Variants in GABBR2 observed in about 807,000 individuals in gnomAD.
GABBR2 encodes G-protein coupled receptor 51.
In GABBR2, 23 loss-of-function variants were observed where a neutral mutation model predicts 105.6. That is an observed-to-expected ratio of 0.22 (90% CI 0.16 to 0.31). The LOEUF (loss-of-function observed/expected upper bound fraction) is 0.31. Among genes scored for constraint, GABBR2 ranks in the 10% least tolerant of loss-of-function variants. The pLI, the probability that GABBR2 is intolerant of heterozygous loss-of-function variation, is 1.00. For missense variants in GABBR2, 734 were observed against 1,245.5 expected (o/e 0.59, Z 6.18); for synonymous variants, 478 against 499.7 (o/e 0.96, Z 0.58).
At chr9:98,660,227 C>A (rs1409034741) in intron 1 of GABBR2, among the ~76,000 whole-genome samples, 1 of 152,074 alleles carries the variant, frequency 6.6e-6, no homozygotes. Flanking sequence ...GGATAAAGTC[C>A]TAGAAATGAA....
At chr9:98,623,123 T>C (rs1344382785) in intron 1 of GABBR2, among the ~76,000 whole-genome samples, 1 of 152,226 alleles carries the variant, frequency 6.6e-6, no homozygotes, top group Non-Finnish European at 1.5e-5. Flanking sequence ...TAAAAATTTA[T>C]TTTTAAAATA....
intron 2 of GABBR2, among the ~76,000 whole-genome samples, chr9:98,542,637 A>G (rs2131741268): frequency 1.3e-5 from 2 of 152,322 alleles, no homozygotes; most frequent in African/African-American, 4.8e-5. Flanking sequence ...GATAAAGAAT[A>G]TGAGTCTTTA....
intron 7 of GABBR2, among the ~76,000 whole-genome samples, chr9:98,426,146 G>T (rs186832861): frequency 6.6e-6 from 1 of 152,326 alleles, no homozygotes. Context: ...TTTGTCAGCT[G>T]CAGGGGCCTC....
intron 1 of GABBR2, among the ~76,000 whole-genome samples, chr9:98,651,346 G>A (rs746614529): frequency 7.9e-5 from 12 of 152,106 alleles, no homozygotes; most frequent in African/African-American, 2.9e-4. Flanking sequence ...GTTTCACCAT[G>A]TTGGCCAGGC....
At chr9:98,589,983 C>A (rs1214786627) in intron 1 of GABBR2, among the ~76,000 whole-genome samples, 1 of 152,174 alleles carries the variant, frequency 6.6e-6, no homozygotes, top group Non-Finnish European at 1.5e-5. Context: ...CCCACCTTGG[C>A]CTTCCAAAGT....
At chr9:98,703,550 C>T (rs1035167058) in intron 1 of GABBR2, among the ~76,000 whole-genome samples, 1 of 152,074 alleles carries the variant, frequency 6.6e-6, no homozygotes, top group African/African-American at 2.4e-5. Flanking sequence ...TAGAGTGCAG[C>T]AGCACAATCA....
intron 1 of GABBR2, among the ~76,000 whole-genome samples, chr9:98,655,817 C>T (rs1439691764): frequency 2.0e-5 from 3 of 150,982 alleles, no homozygotes; most frequent in Non-Finnish European, 4.5e-5. Context: ...AGGGGAACAT[C>T]ACACACTGGG....
chr9:98,508,380 C>G (rs559383062), intron 3 of GABBR2, among the ~76,000 whole-genome samples: 1 of 152,178 alleles, frequency 6.6e-6, no homozygotes, highest in Non-Finnish European at 1.5e-5. Flanking sequence ...ACTGAAGTAC[C>G]GGGTTCATCT....
intron 1 of GABBR2, among the ~76,000 whole-genome samples, chr9:98,585,784 A>C (rs1829064728): frequency 3.9e-5 from 1 of 25,676 alleles, no homozygotes; most frequent in East Asian, 3.6e-4. Flanking sequence ...AAAATGCTCC[A>C]AAATCCAAAA....
intron 11 of GABBR2, among the ~76,000 whole-genome samples, chr9:98,382,683 T>G (rs1236363702): frequency 1.3e-5 from 2 of 152,154 alleles, no homozygotes; most frequent in African/African-American, 4.8e-5. Context: ...TAAGCACAGA[T>G]GGAAGAGAGA....
chr9:98,297,562 G>A (rs969068044), intron 17 of GABBR2, among the ~76,000 whole-genome samples: 2 of 151,870 alleles, frequency 1.3e-5, no homozygotes, highest in Non-Finnish European at 2.9e-5. Flanking sequence ...GCAGTGAGCC[G>A]AGATCGTGCC....
intron 4 of GABBR2, among the ~76,000 whole-genome samples, chr9:98,494,906 C>G (rs111229692): frequency 1.1e-4 from 16 of 152,372 alleles, no homozygotes; most frequent in African/African-American, 3.6e-4. Flanking sequence ...TGCTGGGCCT[C>G]TGGAGCTCAG....
At chr9:98,489,322 G>GGA (rs972067758) in intron 4 of GABBR2, among the ~76,000 whole-genome samples, 7 of 152,150 alleles carry the variant, frequency 4.6e-5, no homozygotes, top group African/African-American at 1.4e-4. Flanking sequence ...GTGATAAGAT[G>GGA]GAGAGAGAGA....
intron 6 of GABBR2, among the ~76,000 whole-genome samples, chr9:98,471,161 T>C (rs1335193485): frequency 1.3e-5 from 2 of 152,224 alleles, no homozygotes; most frequent in African/African-American, 2.4e-5. Context: ...TCAAATTTCC[T>C]TGTGTAACTT....
intron 7 of GABBR2, among the ~76,000 whole-genome samples, chr9:98,414,988 A>C (rs979999870): frequency 2.0e-5 from 3 of 152,188 alleles, no homozygotes; most frequent in African/African-American, 7.2e-5. Flanking sequence ...GAGATAAATA[A>C]AATTTTACTG....
intron 2 of GABBR2, among the ~76,000 whole-genome samples, chr9:98,545,609 T>C (rs1487018694): frequency 6.6e-6 from 1 of 152,200 alleles, no homozygotes; most frequent in African/African-American, 2.4e-5. Flanking sequence ...ATCAGTATTA[T>C]TTAAAAATTT....
chr9:98,587,816 C>G (rs1829098206), intron 1 of GABBR2, among the ~76,000 whole-genome samples: 1 of 152,170 alleles, frequency 6.6e-6, no homozygotes, highest in Non-Finnish European at 1.5e-5. Flanking sequence ...GTAGCAAAGG[C>G]AAAATTGTTT....
intron 7 of GABBR2, among the ~76,000 whole-genome samples, chr9:98,444,669 C>T (rs1826090701): frequency 7.2e-6 from 1 of 138,190 alleles, no homozygotes; most frequent in Non-Finnish European, 1.7e-5. Context: ...AATTACCTCT[C>T]GAAAATGTTT....
chr9:98,538,920 T>C (rs1828233755), intron 3 of GABBR2, among the ~76,000 whole-genome samples: 1 of 131,160 alleles, frequency 7.6e-6, no homozygotes, highest in African/African-American at 3.7e-5. Flanking sequence ...GGCTGAGAGA[T>C]TTAAATCAAG....
Sources: gnomAD v4.1 joint callset for allele counts (sites outside exome capture counted in the v4.1 genomes callset) on GRCh38, gnomAD v4.1.1 for gene constraint, MANE v1.5 for transcripts, NCBI Gene and HGNC (gene_info 2026-07-23, HGNC 2026-07-21) for gene names.